PRKN: variants seen among roughly 807,000 people sequenced by gnomAD.
The protein encoded by PRKN is parkin RBR E3 ubiquitin protein ligase.
A neutral mutation model predicts 59.5 loss-of-function variants in PRKN; 56 were observed. The observed-to-expected ratio is 0.94, with a 90% CI of 0.76 to 1.18. The LOEUF (loss-of-function observed/expected upper bound fraction) is 1.18, where lower values mean the gene tolerates loss of function less well. Among genes scored for constraint, PRKN ranks in the 50% most tolerant of loss-of-function variants. PRKN has a pLI of 0.00. For missense variants in PRKN, 657 were observed against 596.4 expected (o/e 1.10, Z -1.06); for synonymous variants, 250 against 222.1 (o/e 1.13, Z -1.12).
At chr6:162,034,561 G>T (rs1294623408) in intron 5 of PRKN, among the ~76,000 whole-genome samples, 1 of 152,116 alleles carries the variant, frequency 6.6e-6, no homozygotes, top group Non-Finnish European at 1.5e-5. Flanking sequence ...CTTGAAAGGT[G>T]AACAGGAGAT....
At chr6:162,223,729 T>C (rs1778042489) in intron 3 of PRKN, among the ~76,000 whole-genome samples, 3 of 152,030 alleles carry the variant, frequency 2.0e-5, no homozygotes, top group Admixed American at 2.0e-4. Context: ...CCTACCTTTG[T>C]ATCTCTTTCT....
intron 7 of PRKN, among the ~76,000 whole-genome samples, chr6:161,646,403 G>C (rs1783948713): frequency 8.4e-6 from 1 of 118,592 alleles, no homozygotes; most frequent in South Asian, 3.0e-4. Flanking sequence ...GGCGGAGGAG[G>C]TGGCGTATCA....
chr6:162,009,531 AAAG>A (rs1782397812), intron 5 of PRKN, among the ~76,000 whole-genome samples: 1 of 151,944 alleles, frequency 6.6e-6, no homozygotes, highest in South Asian at 2.1e-4. Context: ...ATTTTTCCAC[AAAG>A]AAGAAAAGCT....
At chr6:162,351,862 A>T (rs2128131336) in intron 2 of PRKN, among the ~76,000 whole-genome samples, 1 of 152,112 alleles carries the variant, frequency 6.6e-6, no homozygotes, top group Middle Eastern at 3.4e-3. Context: ...GTGTGTGTTT[A>T]TTAAAATATA....
intron 1 of PRKN, among the ~76,000 whole-genome samples, chr6:162,537,035 A>G (rs1038705649): frequency 1.3e-5 from 2 of 152,162 alleles, no homozygotes; most frequent in Non-Finnish European, 2.9e-5. Context: ...TTAAAAATTT[A>G]CTTCGAAAAG....
intron 1 of PRKN, among the ~76,000 whole-genome samples, chr6:162,702,657 G>A (rs1037565913): frequency 4.6e-5 from 7 of 152,122 alleles, no homozygotes; most frequent in Non-Finnish European, 7.4e-5. Flanking sequence ...TTTCTGATTC[G>A]TGCATTGCAG....
intron 1 of PRKN, among the ~76,000 whole-genome samples, chr6:162,561,357 T>C (rs1404505571): frequency 3.3e-5 from 5 of 151,686 alleles, no homozygotes; most frequent in Non-Finnish European, 5.9e-5. Context: ...CCAATGACTA[T>C]CTAGTTTTTA....
intron 7 of PRKN, among the ~76,000 whole-genome samples, chr6:161,636,721 T>C (rs1276055863): frequency 6.6e-6 from 1 of 152,120 alleles, no homozygotes; most frequent in East Asian, 1.9e-4. Context: ...AGCCAGACCC[T>C]GTCTCTATGT....
intron 3 of PRKN, among the ~76,000 whole-genome samples, chr6:162,258,150 TA>T (rs1779732335): frequency 6.6e-6 from 1 of 152,188 alleles, no homozygotes; most frequent in Admixed American, 6.6e-5. Context: ...TGCTGTATAT[TA>T]CGGAACTCCC....
At chr6:162,000,832 G>T (rs1204776134) in intron 5 of PRKN, among the ~76,000 whole-genome samples, 1 of 121,978 alleles carries the variant, frequency 8.2e-6, no homozygotes, top group South Asian at 2.9e-4. Context: ...AGGAGTACAA[G>T]ATCTGTTTCC....
intron 2 of PRKN, among the ~76,000 whole-genome samples, chr6:162,394,708 T>A (rs1353438838): frequency 6.6e-6 from 1 of 152,192 alleles, no homozygotes. Context: ...ATTTTGCTTT[T>A]GGAAAATAAA....
At chr6:162,640,322 T>C (rs1228731446) in intron 1 of PRKN, among the ~76,000 whole-genome samples, 1 of 152,094 alleles carries the variant, frequency 6.6e-6, no homozygotes, top group African/African-American at 2.4e-5. Context: ...TATGCTCTGA[T>C]AAAAAGAGAG....
At chr6:162,223,859 C>T (rs573721171) in intron 3 of PRKN, among the ~76,000 whole-genome samples, 5 of 152,050 alleles carry the variant, frequency 3.3e-5, no homozygotes, top group Admixed American at 2.0e-4. Flanking sequence ...CTGTTGTTGT[C>T]GTTTTGTAAT....
intron 1 of PRKN, among the ~76,000 whole-genome samples, chr6:162,641,716 G>GT (rs1459473975): frequency 2.0e-5 from 3 of 152,280 alleles, no homozygotes; most frequent in African/African-American, 7.2e-5. Flanking sequence ...TCCGCCCTCT[G>GT]TTAACTCTAA....
At chr6:162,262,930 G>A (rs1271087243) in intron 2 of PRKN, among the ~76,000 whole-genome samples, 165 bp from the exon 3 acceptor site, 6 of 152,028 alleles carry the variant, frequency 3.9e-5, no homozygotes, top group East Asian at 1.9e-4. Flanking sequence ...CACTACACAC[G>A]GTAGACAAAC....
intron 1 of PRKN, among the ~76,000 whole-genome samples, chr6:162,514,051 A>G (rs1777742285): frequency 6.6e-6 from 1 of 152,194 alleles, no homozygotes; most frequent in Admixed American, 6.5e-5. Flanking sequence ...ATCTCAAAAA[A>G]AAAGAAAAAG....
intron 4 of PRKN, among the ~76,000 whole-genome samples, chr6:162,079,982 C>A (rs1778992746): frequency 6.6e-6 from 1 of 152,046 alleles, no homozygotes; most frequent in Non-Finnish European, 1.5e-5. Flanking sequence ...ATCTTAAGGT[C>A]CAGGTTGACA....
chr6:161,802,417 A>T (rs9295169), intron 6 of PRKN, among the ~76,000 whole-genome samples: 5,608 of 148,838 alleles, frequency 0.038, 342 homozygotes, highest in African/African-American at 0.13. Context: ...ACCCCACACA[A>T]GCCCCACATG....
At chr6:161,586,921 G>C (rs1231793175) in intron 7 of PRKN, among the ~76,000 whole-genome samples, 1 of 152,198 alleles carries the variant, frequency 6.6e-6, no homozygotes, top group Non-Finnish European at 1.5e-5. Flanking sequence ...CTAGACACTA[G>C]CAAGCTACAT....
Sources: gnomAD v4.1 joint callset for allele counts (sites outside exome capture counted in the v4.1 genomes callset) on GRCh38, gnomAD v4.1.1 for gene constraint, MANE v1.5 for transcripts, NCBI Gene and HGNC (gene_info 2026-07-23, HGNC 2026-07-21) for gene names.